CDH18: variants seen among roughly 807,000 people sequenced by gnomAD.
The protein encoded by CDH18 is cadherin-18.
In CDH18, 31 loss-of-function variants were observed where a neutral mutation model predicts 67.9. The observed-to-expected ratio is 0.46, with a 90% CI of 0.34 to 0.62. The LOEUF is 0.62. Among genes scored for constraint, CDH18 ranks in the 20% least tolerant of loss-of-function variants. The probability of loss-of-function intolerance (pLI) is 0.01; values close to 1 mark genes in which losing one functional copy is unlikely to be tolerated. For synonymous variants in CDH18, 362 were observed against 347.2 expected, an observed-to-expected ratio of 1.04 and a Z score of -0.48; for missense variants, 890 against 975.5, an observed-to-expected ratio of 0.91 and a Z score of 1.17.
chr5:20,372,327 TTA>T (rs1743068910), intron 1 of CDH18, among the ~76,000 whole-genome samples: 1 of 151,796 alleles, frequency 6.6e-6, no homozygotes, highest in Non-Finnish European at 1.5e-5. Context: ...TCTCAAACAT[TTA>T]TCTTTTTTGT....
At chr5:19,551,805 A>G (rs913037782) in intron 8 of CDH18, among the ~76,000 whole-genome samples, 4 of 152,178 alleles carry the variant, frequency 2.6e-5, no homozygotes, top group Non-Finnish European at 5.9e-5. Flanking sequence ...GTCTCTATAT[A>G]AATAGCCAGA....
intron 5 of CDH18, among the ~76,000 whole-genome samples, chr5:19,657,063 C>T (rs906885188): frequency 9.2e-5 from 14 of 152,012 alleles, no homozygotes; most frequent in Admixed American, 7.2e-4. Context: ...GGATATGTAA[C>T]ATATTAAAAA....
At chr5:20,479,288 C>G (rs909326077) in intron 1 of CDH18, among the ~76,000 whole-genome samples, 5 of 151,936 alleles carry the variant, frequency 3.3e-5, no homozygotes, top group Non-Finnish European at 7.4e-5. Context: ...TACCAGTGAC[C>G]AATTCCAGAG....
chr5:20,103,990 C>T (rs1406356290), intron 2 of CDH18, among the ~76,000 whole-genome samples: 5 of 151,236 alleles, frequency 3.3e-5, no homozygotes, highest in Non-Finnish European at 7.4e-5. Context: ...AGAGCAAGGG[C>T]ATCTATTGCA....
chr5:20,287,224 A>C (rs1746758437), intron 1 of CDH18, among the ~76,000 whole-genome samples: 1 of 151,762 alleles, frequency 6.6e-6, no homozygotes, highest in Non-Finnish European at 1.5e-5. Flanking sequence ...AATAATACTT[A>C]AAGAAAGCAT....
At chr5:20,484,797 T>C (rs1753058235) in intron 1 of CDH18, among the ~76,000 whole-genome samples, 1 of 151,998 alleles carries the variant, frequency 6.6e-6, no homozygotes, top group Non-Finnish European at 1.5e-5. Flanking sequence ...TACCAGAGGC[T>C]GGGAAGGGTA....
chr5:19,901,700 C>T (rs1214098268), intron 2 of CDH18, among the ~76,000 whole-genome samples: 1 of 151,750 alleles, frequency 6.6e-6, no homozygotes, highest in South Asian at 2.1e-4. Context: ...ATATTAGATG[C>T]AGATATTTTT....
chr5:19,800,573 A>G (rs1777352737), intron 3 of CDH18, among the ~76,000 whole-genome samples: 1 of 152,152 alleles, frequency 6.6e-6, no homozygotes, highest in African/African-American at 2.4e-5. Flanking sequence ...ATGTATCAGT[A>G]TTTTATATAT....
chr5:20,177,847 T>A (rs1391018102), intron 2 of CDH18, among the ~76,000 whole-genome samples: 1 of 152,142 alleles, frequency 6.6e-6, no homozygotes, highest in Non-Finnish European at 1.5e-5. Flanking sequence ...CATTCTCTCT[T>A]TGCTGCTGCC....
chr5:19,759,257 T>C (rs530356530), intron 3 of CDH18, among the ~76,000 whole-genome samples: 3 of 152,160 alleles, frequency 2.0e-5, no homozygotes, highest in African/African-American at 4.8e-5. Context: ...AATGGAAGAG[T>C]TGAATGGGGA....
chr5:20,026,350 A>C (rs1258183932), intron 2 of CDH18, among the ~76,000 whole-genome samples: 1 of 152,222 alleles, frequency 6.6e-6, no homozygotes, highest in Non-Finnish European at 1.5e-5. Context: ...AAATATGAGA[A>C]AAATAGATAA....
At chr5:19,943,235 A>T (rs1185024087) in intron 2 of CDH18, among the ~76,000 whole-genome samples, 1 of 152,160 alleles carries the variant, frequency 6.6e-6, no homozygotes, top group African/African-American at 2.4e-5. Flanking sequence ...GAGAAGTTAA[A>T]GGATTTGACA....
At chr5:19,686,676 C>G (rs1158286822) in intron 5 of CDH18, among the ~76,000 whole-genome samples, 1 of 152,102 alleles carries the variant, frequency 6.6e-6, no homozygotes, top group Non-Finnish European at 1.5e-5. Context: ...TGTTCCGCAA[C>G]TGTGGAACAC....
intron 11 of CDH18, among the ~76,000 whole-genome samples, chr5:19,495,652 G>A (rs1021971033): frequency 2.1e-5 from 3 of 145,182 alleles, no homozygotes; most frequent in African/African-American, 7.6e-5. Context: ...CCAGGAGGCT[G>A]AGGTTGCCGA....
chr5:20,099,970 G>C (rs994951123), intron 2 of CDH18, among the ~76,000 whole-genome samples: 2 of 152,020 alleles, frequency 1.3e-5, no homozygotes, highest in Non-Finnish European at 2.9e-5. Context: ...ATTTTTGGTA[G>C]AGGCAGGGTT....
chr5:19,758,298 A>G (rs1771892678), intron 3 of CDH18, among the ~76,000 whole-genome samples: 1 of 152,346 alleles, frequency 6.6e-6, no homozygotes. Context: ...AGTTTCCACC[A>G]AAGTCCAGTA....
chr5:19,808,306 A>AGTTT (rs1778242216), intron 3 of CDH18, among the ~76,000 whole-genome samples: 1 of 150,684 alleles, frequency 6.6e-6, no homozygotes, highest in Non-Finnish European at 1.5e-5. Flanking sequence ...AAATAAAACA[A>AGTTT]AACAACAACA....
chr5:20,077,165 A>C (rs1414693345), intron 2 of CDH18, among the ~76,000 whole-genome samples: 1 of 152,220 alleles, frequency 6.6e-6, no homozygotes, highest in Non-Finnish European at 1.5e-5. Context: ...CTGCTGTTTC[A>C]AACTGCATCC....
intron 7 of CDH18, among the ~76,000 whole-genome samples, chr5:19,584,810 AAAGAAAAAAAGAAAAAG>A (rs1206815350): frequency 1.4e-5 from 2 of 144,678 alleles, no homozygotes; most frequent in Non-Finnish European, 3.1e-5. Flanking sequence ...AAAAAAAAAA[AAAGAAAAAAAGAAAAAG>A]AAAAAGAAAA....
Sources: gnomAD v4.1 joint callset for allele counts (sites outside exome capture counted in the v4.1 genomes callset) on GRCh38, gnomAD v4.1.1 for gene constraint, MANE v1.5 for transcripts, NCBI Gene and HGNC (gene_info 2026-07-23, HGNC 2026-07-21) for gene names.